The following SOX6 variants were observed in gnomAD, a reference collection of about 807,000 sequenced individuals.
SOX6 encodes SRY-box transcription factor 6, also known as transcription factor SOX-6.
SOX6 carries 11 observed loss-of-function variants against 97.8 expected under a neutral mutation model. The ratio of observed to expected loss-of-function variants is 0.11; its 90% confidence interval spans 0.07 to 0.19. The LOEUF (loss-of-function observed/expected upper bound fraction) is 0.19. SOX6 is among the 10% of genes least tolerant of loss of function. SOX6 has a pLI of 1.00. For synonymous variants in SOX6, 360 were observed against 371.4 expected (o/e 0.97, Z 0.35); for missense variants, 810 against 1,039.5 (o/e 0.78, Z 3.04).
At chr11:16,074,809 G>C (rs1174656134) in intron 9 of SOX6, among the ~76,000 whole-genome samples, 1 of 152,116 alleles carries the variant, frequency 6.6e-6, no homozygotes, top group East Asian at 1.9e-4. Context: ...CAATTAAATA[G>C]ATTCAATGCA....
intron 3 of SOX6, among the ~76,000 whole-genome samples, chr11:16,660,119 GA>G (rs1847755187): frequency 6.6e-6 from 1 of 151,908 alleles, no homozygotes; most frequent in Non-Finnish European, 1.5e-5. Flanking sequence ...CAATGTCATT[GA>G]TTTCTGCTCT....
intron 15 of SOX6, among the ~76,000 whole-genome samples, chr11:15,979,768 T>C (rs1853606874): frequency 6.6e-6 from 1 of 152,010 alleles, no homozygotes. Flanking sequence ...TACTGAGGCC[T>C]TTGCTCAAAT....
intron 15 of SOX6, among the ~76,000 whole-genome samples, chr11:15,981,471 C>T (rs566331077): frequency 6.8e-4 from 100 of 146,596 alleles, no homozygotes; most frequent in African/African-American, 2.3e-3. Flanking sequence ...GTTTGCTGAC[C>T]CTTCAGACCC....
chr11:16,082,242 T>C (rs950925916), intron 9 of SOX6, among the ~76,000 whole-genome samples: 1 of 152,160 alleles, frequency 6.6e-6, no homozygotes, highest in Non-Finnish European at 1.5e-5. Context: ...CTAAGTCTGT[T>C]GGGTCTCTTG....
rs1200315851 is a variant in SOX6 at position 16,025,020 on chromosome 11, A to AC, written c.1624-9971dup. ...GTAGCATTAACTCTGAAGATATGAG[A>AC]CCCTTTTAGGCTTGGAAGCCACTGA... On this transcript the variant is annotated intron_variant, in intron 12 of 15. Coordinates refer to ENST00000683767, the MANE Select transcript of SOX6 (RefSeq NM_001367873.1). Among the ~76,000 whole-genome samples the AC allele has an allele frequency of 2.6e-5, 4 of 152,152 alleles. No homozygotes were observed. The East Asian group carries it at 7.8e-4, about 30-fold the overall frequency.
chr11:16,557,607 T>G (rs1034360188), intron 4 of SOX6, among the ~76,000 whole-genome samples: 2 of 151,902 alleles, frequency 1.3e-5, no homozygotes, highest in African/African-American at 4.8e-5. Context: ...ACTTCTTTGC[T>G]TATATAGAAT....
intron 3 of SOX6, among the ~76,000 whole-genome samples, chr11:16,632,366 C>T (rs908484781): frequency 6.6e-6 from 1 of 152,134 alleles, no homozygotes; most frequent in African/African-American, 2.4e-5. Flanking sequence ...TTGGACTGTG[C>T]AGTTTGACCT....
rs188898674 is a variant in SOX6 at position 16,505,610 on chromosome 11, C to T, written n.610-29222G>A. Among the ~76,000 whole-genome samples the T allele has an allele frequency of 3.1e-3, 477 of 152,308 alleles. 4 individuals are homozygous for T. Among genetic ancestry groups the T allele is most frequent in the African/African-American group, 0.011 (450 of 41,558 alleles). ...TAAGTTAAGAGGATCTGAATGTTAA[C>T]AGCCAAGACAATGGGAAAAATGTCT... On this transcript the variant is annotated intron_variant and non_coding_transcript_variant, in intron 4 of 5. Transcript: ENST00000524520.
intron 12 of SOX6, among the ~76,000 whole-genome samples, chr11:16,041,370 G>A (rs546346514): frequency 6.6e-6 from 1 of 152,174 alleles, no homozygotes; most frequent in Non-Finnish European, 1.5e-5. Flanking sequence ...AGCAGAAGAT[G>A]TCCAGTATGT....
chr11:16,424,999 G>A (rs1225139643), intron 1 of SOX6, among the ~76,000 whole-genome samples: 1 of 152,160 alleles, frequency 6.6e-6, no homozygotes, highest in African/African-American at 2.4e-5. Context: ...AAACTTCCAG[G>A]CCCAGGTTCT....
intron 4 of SOX6, among the ~76,000 whole-genome samples, chr11:16,188,229 CAAA>C (rs5789943): frequency 3.5e-5 from 4 of 113,594 alleles, no homozygotes; most frequent in Admixed American, 9.5e-5. Context: ...AACTCAGGTC[CAAA>C]AAAAAAAAAA....
In SOX6 at chr11:16,467,558, T is replaced by A. The variant is rs116958014; in HGVS notation, c.-5+8757A>T. On this transcript the variant is annotated intron_variant, in intron 1 of 15. Transcript: ENST00000396356. The stretch of plus-strand genomic sequence containing the variant: ...AAACAGAAAACCAAATACCACATAT[T>A]CTTACTTAAAAGTGAGAGCTAAGTG... 1.5e-3 allele frequency among the ~76,000 whole-genome samples: 226 copies of A among 152,276 alleles called. 6 individuals are homozygous for A. The East Asian group carries it at 0.036, about 24-fold the overall frequency.
intron 6 of SOX6, among the ~76,000 whole-genome samples, chr11:16,119,847 A>G (rs1849445151): frequency 6.6e-6 from 1 of 152,176 alleles, no homozygotes; most frequent in Non-Finnish European, 1.5e-5. Context: ...TGTGGCTGCT[A>G]CAGCTAATGT....
In SOX6 at chr11:15,969,671, C is replaced by A. The variant is rs541084134; in HGVS notation, c.*3138G>T. On this transcript the variant is annotated 3_prime_UTR_variant, in exon 16 of 16. Coordinates refer to ENST00000683767, the MANE Select transcript of SOX6 (RefSeq NM_001367873.1). ...CATAACTTATATCTCACTAAGTATT[C>A]ATGAACCAAAAATAAATTCTATTTC... 1 of 152,156 alleles carries A rather than the reference C, an allele frequency of 6.6e-6. No homozygotes were observed. Among genetic ancestry groups the A allele is most frequent in the East Asian group, 1.9e-4 (1 of 5,172 alleles). 9.4% of individuals were successfully genotyped at this position (152,156 alleles called of 1,614,324 possible). A position where few individuals can be genotyped will look rare whatever the true frequency, so the allele number is the denominator to read the frequency against.
chr11:16,323,553 T>C (rs186215721), intron 2 of SOX6, among the ~76,000 whole-genome samples: 1 of 152,186 alleles, frequency 6.6e-6, no homozygotes, highest in African/African-American at 2.4e-5. Context: ...GAATGCCCTA[T>C]ATCTTCCTTA....
At chr11:16,452,637 A>G (rs1002080418) in intron 1 of SOX6, among the ~76,000 whole-genome samples, 33 of 152,338 alleles carry the variant, frequency 2.2e-4, no homozygotes, top group African/African-American at 7.9e-4. Flanking sequence ...TTTCATTTCA[A>G]TGTGCTGCTA....
At chr11:16,338,798 A>G (rs141005492) in intron 2 of SOX6, among the ~76,000 whole-genome samples, 2 of 151,992 alleles carry the variant, frequency 1.3e-5, no homozygotes, top group African/African-American at 4.8e-5. Context: ...ACTATCATAA[A>G]CCACATTTAA....
intron 4 of SOX6, among the ~76,000 whole-genome samples, chr11:16,498,844 C>G (rs2133140052): frequency 6.6e-6 from 1 of 152,192 alleles, no homozygotes; most frequent in Admixed American, 6.5e-5. Context: ...ACTTAGACTC[C>G]CACACAATAA....
chr11:16,216,736 T>C (rs1283703374), intron 4 of SOX6, among the ~76,000 whole-genome samples: 1 of 152,158 alleles, frequency 6.6e-6, no homozygotes, highest in East Asian at 1.9e-4. Context: ...TCTTTGTAAA[T>C]ACTCAAAAAA....
Sources: gnomAD v4.1 joint callset for allele counts (sites outside exome capture counted in the v4.1 genomes callset) on GRCh38, gnomAD v4.1.1 for gene constraint, MANE v1.5 for transcripts, NCBI Gene and HGNC (gene_info 2026-07-23, HGNC 2026-07-21) for gene names.